LRRC9: variants seen among roughly 807,000 people sequenced by gnomAD.
LRRC9 encodes the protein leucine rich repeat containing 9, also known as leucine-rich repeat-containing protein 9.
LRRC9 carries 122 observed loss-of-function variants against 63.2 expected under a neutral mutation model. The observed-to-expected ratio is 1.93, with a 90% CI of 1.67 to 2.24. The LOEUF is 2.24. Among genes scored for constraint, LRRC9 ranks in the 30% most tolerant of loss-of-function variants. The pLI is 0.00. For synonymous variants in LRRC9, 366 were observed against 213.1 expected, an observed-to-expected ratio of 1.72 and a Z score of -6.25; for missense variants, 1,071 against 627.7, an observed-to-expected ratio of 1.71 and a Z score of -7.55.
rs77233281 is a variant in LRRC9, at chr14:60,058,872, A to G, written c.4276+850A>G. Among the ~76,000 whole-genome samples, 514 of 152,270 alleles carry G rather than the reference A, an allele frequency of 3.4e-3. 17 individuals carry two copies. In the East Asian group the frequency reaches 0.057, roughly 17 times the overall value. On this transcript the variant is annotated intron_variant, in intron 31 of 31. Transcript: ENST00000445360. This position sits in a 1 kb window ranked among gnomAD's most constrained non-coding sequence, Gnocchi z 4.4. Reference sequence around the variant, plus strand: ...ACAAACCAGCATAATTTACTCCATTAAGATGTTATATTTTCTCATTTTTCA... The same window carrying G: ...ACAAACCAGCATAATTTACTCCATTGAGATGTTATATTTTCTCATTTTTCA...
intron 12 of LRRC9, among the ~76,000 whole-genome samples, chr14:59,972,912 T>C (rs1885682556): frequency 6.6e-6 from 1 of 152,132 alleles, no homozygotes; most frequent in Non-Finnish European, 1.5e-5. Flanking sequence ...GGTTAAGTGT[T>C]AGTTAAGTGG....
At chr14:59,945,238 T>G (rs1882235594) in intron 8 of LRRC9, among the ~76,000 whole-genome samples, 1 of 151,968 alleles carries the variant, frequency 6.6e-6, no homozygotes, top group Admixed American at 6.6e-5. Context: ...TGTATGCATT[T>G]TTATTTAGAA....
intron 30 of LRRC9, among the ~76,000 whole-genome samples, chr14:60,055,749 A>AAG (rs1240775496): frequency 6.7e-6 from 1 of 150,344 alleles, no homozygotes; most frequent in East Asian, 1.9e-4. Context: ...AAAAAAAACA[A>AAG]AAAAAACTAG....
intron 8 of LRRC9, among the ~76,000 whole-genome samples, chr14:59,957,856 G>C (rs1429493738): frequency 6.6e-6 from 1 of 152,126 alleles, no homozygotes; most frequent in Non-Finnish European, 1.5e-5. Context: ...GTTGCTTTCT[G>C]TTTGTTAGTT....
At chr14:59,955,926 A>G (rs566016861) in intron 8 of LRRC9, among the ~76,000 whole-genome samples, 54 of 152,138 alleles carry the variant, frequency 3.5e-4, no homozygotes, top group African/African-American at 1.2e-3. Flanking sequence ...CAGGTTGTCA[A>G]TTTCCATATT....
rs566127155 is a variant in LRRC9 at position 60,027,164 on chromosome 14, C to T, written c.3704-720C>T. On this transcript the variant is annotated intron_variant, in intron 27 of 31. Transcript: ENST00000445360. The surrounding 1 kb of genome is among the most constrained non-coding windows in gnomAD (Gnocchi z 4.0). Reference sequence around the variant, plus strand: ...GCCATTTTTATGTCTTTGAGAAAGCCACTTAATTTCTCTGACCCTCAATTT... The same window carrying T: ...GCCATTTTTATGTCTTTGAGAAAGCTACTTAATTTCTCTGACCCTCAATTT... 6.6e-6 allele frequency among the ~76,000 whole-genome samples: 1 copy of T among 152,040 alleles called. No homozygotes were observed. The highest frequency in any genetic ancestry group is 1.9e-4 in the East Asian group (1 of 5,172).
At chr14:59,999,046 C>A in intron 18 of LRRC9, 55 bp from the exon 19 acceptor site, 1 of 566,042 alleles carries the variant, frequency 1.8e-6, no homozygotes. Flanking sequence ...CAGTCATTTT[C>A]ATGCCATAAC....
At chr14:59,952,232 C>T (rs1264561081) in intron 8 of LRRC9, among the ~76,000 whole-genome samples, 9 of 152,048 alleles carry the variant, frequency 5.9e-5, no homozygotes, top group African/African-American at 1.9e-4. Context: ...GTCTGAAAAG[C>T]GCAATATTCG....
rs1334443520 is a variant in LRRC9, at chr14:59,938,418, G to C, written c.572G>C (p.Cys191Ser). The C allele has an allele frequency of 1.4e-6, 1 of 691,520 alleles. No individual in the cohort carries two copies. Among genetic ancestry groups the C allele is most frequent in the Non-Finnish European group, 2.6e-6 (1 of 380,110 alleles). 42.8% of individuals were successfully genotyped at this position (691,520 alleles called of 1,614,324 possible). Reference sequence around the variant, plus strand: ...CTCACGAACTTAACCAGGCTGCCTTGCTTAAAGGATTTATGTCTGAATGAC... The same window carrying C: ...CTCACGAACTTAACCAGGCTGCCTTCCTTAAAGGATTTATGTCTGAATGAC... Residue 191 changes from cysteine to serine, a missense_variant, in exon 7 of 32, where the codon TGC (cysteine) becomes TCC (serine). Transcript: ENST00000445360. The surrounding 1 kb of genome is among the most constrained non-coding windows in gnomAD (Gnocchi z 4.2).
At chr14:60,018,552 TATTTCCATGTTATTAAAGTAG>T in intron 25 of LRRC9, 73 bp downstream of exon 25, 2 of 583,584 alleles carry the variant, frequency 3.4e-6, no homozygotes, top group Non-Finnish European at 3.1e-6. Flanking sequence ...GATTAAATGG[TATTTCCATGTTATTAAAGTAG>T]ATAAATTATT....
chr14:60,032,088 A>G (rs1892034942), intron 29 of LRRC9, 25 bp downstream of exon 29: 1 of 676,452 alleles, frequency 1.5e-6, no homozygotes, highest in African/African-American at 1.8e-5. Context: ...ATTCTAATTT[A>G]TTAGTTAATT....
chr14:60,001,933 CCTT>C lies in LRRC9; in HGVS notation c.2530-32_2530-30del, dbSNP rs1174990612. On this transcript the variant is annotated intron_variant, in intron 19 of 31. Coordinates refer to ENST00000445360, the Ensembl canonical transcript of LRRC9. ...ATCAACTAACCTCTGTATACTGTTT[CCTT>C]TTTTCACTGTATTTTTTAAATTTTA... 26 of 624,154 alleles carry C rather than the reference CCTT, an allele frequency of 4.2e-5. No homozygotes were observed. In the Admixed American group the frequency reaches 6.1e-4, roughly 15 times the overall value. 38.7% of individuals were successfully genotyped at this position (624,154 alleles called of 1,614,324 possible). A position where few individuals can be genotyped will look rare whatever the true frequency, so the allele number is the denominator to read the frequency against.
In LRRC9 at chr14:60,060,478, C is replaced by T. The variant is rs1005857689; in HGVS notation, c.4276+2456C>T. 2.5e-4 allele frequency among the ~76,000 whole-genome samples: 38 copies of T among 152,284 alleles called. No homozygotes were observed. Among genetic ancestry groups the T allele is most frequent in the African/African-American group, 8.9e-4 (37 of 41,554 alleles). ...ATTCCTAACCGGGCGCGATGGCTCA[C>T]GCTTGTAATCCCAGCACTTTGGGAG... On this transcript the variant is annotated intron_variant, in intron 31 of 31. Coordinates refer to ENST00000445360, the Ensembl canonical transcript of LRRC9. The surrounding 1 kb of genome is among the most constrained non-coding windows in gnomAD (Gnocchi z 4.0).
At chr14:59,963,393 T>A (rs1884536256) in intron 10 of LRRC9, among the ~76,000 whole-genome samples, 2 of 152,268 alleles carry the variant, frequency 1.3e-5, no homozygotes, top group South Asian at 2.1e-4. Flanking sequence ...GTGTTGCCAA[T>A]TGAGTTACCC....
intron 12 of LRRC9, among the ~76,000 whole-genome samples, chr14:59,971,429 A>C (rs1041313598): frequency 1.3e-5 from 2 of 152,096 alleles, no homozygotes; most frequent in Non-Finnish European, 2.9e-5. Flanking sequence ...TTTTGGTTCC[A>C]TTTGAGTTGT....
intron 17 of LRRC9, among the ~76,000 whole-genome samples, chr14:59,988,989 T>C (rs1887775336): frequency 6.6e-6 from 1 of 152,166 alleles, no homozygotes; most frequent in South Asian, 2.1e-4. Context: ...TATCACAAAG[T>C]ATTGTTGTAG....
At chr14:60,047,832 A>C (rs1234534348) in intron 29 of LRRC9, among the ~76,000 whole-genome samples, 1 of 152,168 alleles carries the variant, frequency 6.6e-6, no homozygotes, top group African/African-American at 2.4e-5. Flanking sequence ...CCCCCCAGCA[A>C]CAAAATATAC....
chr14:59,978,021 T>C lies in LRRC9; in HGVS notation c.1767T>C (p.Ser589=), dbSNP rs182710992. The change falls in exon 15 of 32, where the codon TCT becomes TCC. Residue 589 remains serine, a synonymous_variant. Coordinates refer to ENST00000445360, the Ensembl canonical transcript of LRRC9. ...TTGTTTTTGCTTTTACTCTAGATTC[T>C]GTCATGGGACAAAGAAACTGTGATT... 1.6e-4 allele frequency: 109 copies of C among 697,618 alleles called. No homozygotes were observed. The African/African-American group carries it at 1.7e-3, about 11-fold the overall frequency. The allele number at this position is 697,618 out of a possible 1,614,324, so 43.2% of individuals were successfully genotyped here.
At chr14:60,018,550 G>T in intron 25 of LRRC9, 71 bp downstream of exon 25, 25 of 587,788 alleles carry the variant, frequency 4.3e-5, no homozygotes, top group South Asian at 1.5e-4. Flanking sequence ...TGGATTAAAT[G>T]GTATTTCCAT....
Sources: gnomAD v4.1 joint callset for allele counts (sites outside exome capture counted in the v4.1 genomes callset) on GRCh38, gnomAD v4.1.1 for gene constraint, Gnocchi (gnomAD v3.1) non-coding constraint, MANE v1.5 for transcripts, NCBI Gene and HGNC (gene_info 2026-07-23, HGNC 2026-07-21) for gene names.